Variants in PTPRD observed in about 807,000 individuals in gnomAD.
PTPRD encodes protein tyrosine phosphatase receptor type D.
PTPRD carries 34 observed loss-of-function variants against 214.5 expected under a neutral mutation model. That is an observed-to-expected ratio of 0.16 (90% CI 0.12 to 0.21). PTPRD has a LOEUF of 0.21. PTPRD is among the 10% of genes least tolerant of loss of function. The probability of loss-of-function intolerance (pLI) is 1.00; values close to 1 mark genes in which losing one functional copy is unlikely to be tolerated. For synonymous variants in PTPRD, 1,128 were observed against 845.7 expected (o/e 1.33, Z -5.79); for missense variants, 2,545 against 2,398.7 (o/e 1.06, Z -1.27).
At chr9:10,034,839 T>G (rs1005163826) in intron 3 of PTPRD, among the ~76,000 whole-genome samples, 1 of 152,170 alleles carries the variant, frequency 6.6e-6, no homozygotes, top group Non-Finnish European at 1.5e-5. Flanking sequence ...TGATGGTCAT[T>G]TAGGTTGATT....
chr9:8,875,685 A>G (rs2154212112), intron 11 of PTPRD, among the ~76,000 whole-genome samples: 1 of 152,316 alleles, frequency 6.6e-6, no homozygotes, highest in East Asian at 1.9e-4. Context: ...AATAATAAGC[A>G]TCACCTCATG....
In PTPRD at chr9:8,518,017, A is replaced by T. The variant is rs1592576789; in HGVS notation, c.1374T>A (p.Asp458Glu). The T allele has an allele frequency of 3.1e-6, 5 of 1,614,164 alleles. No individual in the cohort carries two copies. The East Asian group carries it at 1.1e-4, about 36-fold the overall frequency. Residue 458 changes from aspartate to glutamate, a missense_variant, in exon 21 of 46, where the codon GAT becomes GAA. Coordinates refer to ENST00000381196, the MANE Select transcript of PTPRD (RefSeq NM_002839.4). ...IQGYRVYYTM[D>E]PTQHVNNWMK... The stretch of plus-strand genomic sequence containing the variant: ...TCCAGTTGTTGACATGTTGAGTGGG[A>T]TCCATTGTATAATAAACTCTATATC...
At chr9:10,262,415 G>C (rs1180969072) in intron 3 of PTPRD, among the ~76,000 whole-genome samples, 1 of 152,128 alleles carries the variant, frequency 6.6e-6, no homozygotes, top group African/African-American at 2.4e-5. Context: ...TGACAGGGGA[G>C]AAATATGTTC....
intron 11 of PTPRD, among the ~76,000 whole-genome samples, chr9:8,762,653 G>A (rs2094482622): frequency 6.6e-6 from 1 of 152,076 alleles, no homozygotes; most frequent in Non-Finnish European, 1.5e-5. Flanking sequence ...CATGATGAGT[G>A]CTCAGGAAAA....
chr9:9,059,382 C>T (rs1427472894), intron 10 of PTPRD, among the ~76,000 whole-genome samples: 1 of 152,012 alleles, frequency 6.6e-6, no homozygotes, highest in Non-Finnish European at 1.5e-5. Context: ...AAGGGTATTA[C>T]AAGAAATGGG....
At chr9:9,643,672 A>C (rs1033363631) in intron 7 of PTPRD, among the ~76,000 whole-genome samples, 2 of 152,152 alleles carry the variant, frequency 1.3e-5, no homozygotes, top group African/African-American at 4.8e-5. Flanking sequence ...CTAAATTAAA[A>C]AGCTTGAAAA....
intron 3 of PTPRD, among the ~76,000 whole-genome samples, chr9:10,330,293 G>C (rs1374961828): frequency 6.6e-6 from 1 of 151,774 alleles, no homozygotes; most frequent in Non-Finnish European, 1.5e-5. Flanking sequence ...TCTGCTGTTA[G>C]AGGAAAAATA....
intron 7 of PTPRD, among the ~76,000 whole-genome samples, chr9:9,714,331 C>T (rs918371047): frequency 3.3e-5 from 5 of 152,098 alleles, no homozygotes; most frequent in African/African-American, 1.2e-4. Context: ...AAAATTAAGA[C>T]AAAGACAAAC....
At chr9:9,016,515 T>C (rs370668234) in intron 11 of PTPRD, among the ~76,000 whole-genome samples, 6 of 152,104 alleles carry the variant, frequency 3.9e-5, no homozygotes, top group African/African-American at 1.4e-4. Context: ...TAGTACTGGT[T>C]AAAATCGGGG....
intron 8 of PTPRD, among the ~76,000 whole-genome samples, chr9:9,495,584 G>C (rs946567771): frequency 1.3e-5 from 2 of 152,026 alleles, no homozygotes; most frequent in African/African-American, 4.8e-5. Context: ...GGAGTGACTA[G>C]ACCTCGGGGA....
intron 7 of PTPRD, among the ~76,000 whole-genome samples, chr9:9,693,143 C>G (rs1442617410): frequency 6.6e-6 from 1 of 151,126 alleles, no homozygotes; most frequent in Non-Finnish European, 1.5e-5. Flanking sequence ...CTAGCTAAGA[C>G]TTCAGTAATA....
intron 9 of PTPRD, among the ~76,000 whole-genome samples, chr9:9,289,051 A>G (rs185411408): frequency 6.6e-6 from 1 of 151,978 alleles, no homozygotes; most frequent in African/African-American, 2.4e-5. Flanking sequence ...GTCTTTATTA[A>G]CAGCATGAGA....
rs545995826 is a variant in PTPRD at position 10,266,961 on chromosome 9, C to A, written c.-545+74002G>T. 2.6e-5 allele frequency among the ~76,000 whole-genome samples: 4 copies of A among 151,818 alleles called. No homozygotes were observed. The South Asian group carries it at 8.3e-4, about 32-fold the overall frequency. On this transcript the variant is annotated intron_variant, in intron 3 of 45. Transcript: ENST00000381196. Reference sequence around the variant, plus strand: ...ATCCCAGCACTTTGGGAGGCCGAGGCGGGCGAATCACCAGGTCAGGAGTTC... The same window carrying A: ...ATCCCAGCACTTTGGGAGGCCGAGGAGGGCGAATCACCAGGTCAGGAGTTC...
chr9:8,954,804 C>G (rs73425800), intron 11 of PTPRD, among the ~76,000 whole-genome samples: 2,807 of 151,872 alleles, frequency 0.018, 80 homozygotes, highest in African/African-American at 0.063. Context: ...GACTCAAGGT[C>G]TCAATGTAAA....
chr9:8,681,843 C>A (rs1381839639), intron 12 of PTPRD, among the ~76,000 whole-genome samples: 1 of 152,166 alleles, frequency 6.6e-6, no homozygotes, highest in Non-Finnish European at 1.5e-5. Context: ...AGTGATTGCC[C>A]TTCCCCACTT....
At chr9:9,177,088 C>T (rs1248799258) in intron 10 of PTPRD, among the ~76,000 whole-genome samples, 3 of 152,070 alleles carry the variant, frequency 2.0e-5, no homozygotes, top group Non-Finnish European at 4.4e-5. Context: ...GTTTAATTGA[C>T]TCACAGTTTA....
chr9:10,232,277 A>G (rs73641890), intron 3 of PTPRD, among the ~76,000 whole-genome samples: 2,977 of 152,056 alleles, frequency 0.02, 97 homozygotes, highest in African/African-American at 0.068. Context: ...AAAACAGACT[A>G]TGACAGGTTC....
At chr9:9,055,353 G>T (rs1196581820) in intron 10 of PTPRD, among the ~76,000 whole-genome samples, 2 of 152,150 alleles carry the variant, frequency 1.3e-5, no homozygotes, top group African/African-American at 4.8e-5. Flanking sequence ...TAATTAGTTA[G>T]ATTTAGTCAT....
At chr9:9,944,461 T>A (rs910176352) in intron 4 of PTPRD, among the ~76,000 whole-genome samples, 1 of 152,048 alleles carries the variant, frequency 6.6e-6, no homozygotes, top group Non-Finnish European at 1.5e-5. Flanking sequence ...GAAGCTTTAA[T>A]TATAGTAGAG....
Sources: gnomAD v4.1 joint callset for allele counts (sites outside exome capture counted in the v4.1 genomes callset) on GRCh38, gnomAD v4.1.1 for gene constraint, MANE v1.5 for transcripts, NCBI Gene and HGNC (gene_info 2026-07-23, HGNC 2026-07-21) for gene names.